ZPBP: variants seen among roughly 807,000 people sequenced by gnomAD.
ZPBP encodes zona pellucida binding protein, also known as zona pellucida-binding protein 1.
Under a neutral mutation model 44.8 loss-of-function variants are expected in ZPBP, and 26 were observed. The ratio of observed to expected loss-of-function variants is 0.58; its 90% CI spans 0.43 to 0.81. ZPBP has a LOEUF of 0.81. Among genes scored for constraint, ZPBP ranks in the 30% least tolerant of loss-of-function variants. ZPBP has a pLI of 0.00. For missense variants in ZPBP, 409 were observed against 434.0 expected, an observed-to-expected ratio of 0.94 and a Z score of 0.51; for synonymous variants, 174 against 153.2, an observed-to-expected ratio of 1.14 and a Z score of -1.00.
intron 2 of ZPBP, among the ~76,000 whole-genome samples, chr7:49,858,205 G>GTA (rs1197164376): frequency 6.6e-6 from 1 of 152,028 alleles, no homozygotes; most frequent in Non-Finnish European, 1.5e-5. Flanking sequence ...GGTTTACTGG[G>GTA]TATATACCCA....
the ZPBP span, among the ~76,000 whole-genome samples, chr7:49,842,994 T>C: frequency 6.6e-6 from 1 of 152,180 alleles, no homozygotes; most frequent in African/African-American, 2.4e-5. Context: ...AGTGATCTCA[T>C]AGTGAGCTCA....
At chr7:50,081,461 G>T (rs529226576) in intron 3 of ZPBP, among the ~76,000 whole-genome samples, 1 of 151,802 alleles carries the variant, frequency 6.6e-6, no homozygotes, top group African/African-American at 2.4e-5. Context: ...AAAACAAGAA[G>T]TTGACTAGAG....
chr7:50,065,415 C>T (rs1031524383), intron 3 of ZPBP, among the ~76,000 whole-genome samples: 3 of 150,706 alleles, frequency 2.0e-5, no homozygotes, highest in African/African-American at 4.9e-5. Context: ...TCATTCTGGG[C>T]GTTTCTCCGT....
chr7:49,948,594 G>A (rs1336414275), intron 7 of ZPBP, among the ~76,000 whole-genome samples: 3 of 151,884 alleles, frequency 2.0e-5, no homozygotes, highest in Non-Finnish European at 4.4e-5. Flanking sequence ...ATACACAAAT[G>A]GTCAATAAGT....
intron 6 of ZPBP, among the ~76,000 whole-genome samples, chr7:49,985,326 G>T (rs1797214333): frequency 6.6e-6 from 1 of 152,078 alleles, no homozygotes; most frequent in African/African-American, 2.4e-5. Context: ...ATATGCCAGA[G>T]GAACTTAACT....
chr7:49,928,627 G>C (rs1223289857), intron 1 of ZPBP, among the ~76,000 whole-genome samples: 1 of 152,190 alleles, frequency 6.6e-6, no homozygotes, highest in Non-Finnish European at 1.5e-5. Context: ...GGCTGAAGTG[G>C]AGTGGCAGGA....
intron 4 of ZPBP, among the ~76,000 whole-genome samples, chr7:50,050,252 T>C (rs1377980010): frequency 6.6e-6 from 1 of 152,026 alleles, no homozygotes; most frequent in Non-Finnish European, 1.5e-5. Flanking sequence ...ATAAGAATAT[T>C]CAAAAATTTA....
At chr7:49,843,742 A>G in the ZPBP span, among the ~76,000 whole-genome samples, 5 of 152,346 alleles carry the variant, frequency 3.3e-5, no homozygotes, top group Admixed American at 3.3e-4. Flanking sequence ...TGGGATGAGA[A>G]GCGAAGATTT....
intron 4 of ZPBP, among the ~76,000 whole-genome samples, chr7:50,044,048 C>G (rs547335671): frequency 6.6e-6 from 1 of 152,320 alleles, no homozygotes; most frequent in South Asian, 2.1e-4. Flanking sequence ...ACTGGACAAT[C>G]TGCTCCTGAA....
chr7:49,999,361 T>A (rs997621844), intron 6 of ZPBP, among the ~76,000 whole-genome samples: 1 of 151,940 alleles, frequency 6.6e-6, no homozygotes, highest in Non-Finnish European at 1.5e-5. Flanking sequence ...GATAGTCTAT[T>A]ATCCTGTGAT....
At chr7:49,991,792 T>G (rs1331908349) in intron 6 of ZPBP, among the ~76,000 whole-genome samples, 3 of 152,068 alleles carry the variant, frequency 2.0e-5, no homozygotes, top group African/African-American at 7.2e-5. Context: ...AATATGTCTA[T>G]TTTTAGCCTT....
intron 2 of ZPBP, among the ~76,000 whole-genome samples, chr7:49,883,244 G>C (rs891914910): frequency 1.3e-5 from 2 of 152,102 alleles, no homozygotes; most frequent in Non-Finnish European, 2.9e-5. Context: ...ACCCAGGGAG[G>C]CGTCTTTCCA....
chr7:50,030,314 C>G (rs1441306900), intron 5 of ZPBP, among the ~76,000 whole-genome samples: 3 of 151,474 alleles, frequency 2.0e-5, no homozygotes, highest in Non-Finnish European at 4.4e-5. Context: ...GAGAAGGGAC[C>G]CCAGGTGAAA....
At chr7:49,968,770 A>G (rs1258519305) in intron 7 of ZPBP, among the ~76,000 whole-genome samples, 1 of 152,088 alleles carries the variant, frequency 6.6e-6, no homozygotes, top group African/African-American at 2.4e-5. Flanking sequence ...AGTAATTAAT[A>G]GTAATTATTA....
At chr7:49,943,387 G>A (rs772813581) in intron 7 of ZPBP, 2 of 383,156 alleles carry the variant, frequency 5.2e-6, no homozygotes, top group Non-Finnish European at 1.0e-5. Flanking sequence ...TCAAGGTAAT[G>A]TATTTCCAGA....
chr7:50,064,829 G>A (rs1031805747), intron 3 of ZPBP, among the ~76,000 whole-genome samples: 11 of 152,216 alleles, frequency 7.2e-5, no homozygotes, highest in African/African-American at 2.4e-4. Flanking sequence ...AGGGTCCTGA[G>A]GTGACATACA....
intron 7 of ZPBP, among the ~76,000 whole-genome samples, chr7:49,958,323 G>A (rs6964107): frequency 0.01 from 1,555 of 152,212 alleles, 22 homozygotes; most frequent in African/African-American, 0.035. Context: ...TGTTATATGT[G>A]AGAAAAACAT....
At chr7:50,090,986 A>AT (rs1341349389) in intron 1 of ZPBP, among the ~76,000 whole-genome samples, 28 of 149,706 alleles carry the variant, frequency 1.9e-4, no homozygotes, top group African/African-American at 6.7e-4. Flanking sequence ...TTTTTTTTTT[A>AT]TTTTTTGATT....
intron 2 of ZPBP, among the ~76,000 whole-genome samples, chr7:49,864,417 T>G (rs1325256929): frequency 6.6e-6 from 1 of 152,190 alleles, no homozygotes; most frequent in Non-Finnish European, 1.5e-5. Context: ...TTTCTGATCA[T>G]GCATCTTACC....
Sources: gnomAD v4.1 joint callset for allele counts (sites outside exome capture counted in the v4.1 genomes callset) on GRCh38, gnomAD v4.1.1 for gene constraint, MANE v1.5 for transcripts, NCBI Gene and HGNC (gene_info 2026-07-23, HGNC 2026-07-21) for gene names.